The following HELZ2 variants were observed in gnomAD, a reference collection of about 807,000 sequenced individuals.
The protein encoded by HELZ2 is helicase with zinc finger 2, also known as 3'-5' exoribonuclease HELZ2.
HELZ2 carries 143 observed loss-of-function variants against 208.8 expected under a neutral mutation model. The ratio of observed to expected loss-of-function variants is 0.68; its 90% CI spans 0.60 to 0.79. HELZ2 has a LOEUF of 0.79. HELZ2 is among the 30% of genes least tolerant of loss of function. The pLI is 0.00. For missense variants in HELZ2, 3,690 were observed against 3,794.5 expected, an observed-to-expected ratio of 0.97 and a Z score of 0.72; for synonymous variants, 1,705 against 1,693.7, an observed-to-expected ratio of 1.01 and a Z score of -0.16.
chr20:63,566,473 G>A lies in HELZ2; in HGVS notation c.2515-20C>T, dbSNP rs368822387. 2 of 1,545,900 alleles carry A rather than the reference G, an allele frequency of 1.3e-6. No individual in the cohort carries two copies. Among genetic ancestry groups the A allele is most frequent in the Non-Finnish European group, 1.7e-6 (2 of 1,144,976 alleles). On this transcript the variant is annotated intron_variant, in intron 6 of 18. Coordinates refer to ENST00000467148, the Ensembl canonical transcript of HELZ2. ...ACTGACCTGAAGACGCAGCAGGGCC[G>A]GGGATGAGTGCTGGACGCAGTGAGG...
At position 63,562,048 on chromosome 20, in the gene HELZ2, C is replaced by A. The variant is rs572172957; in HGVS notation, c.6529+24G>T. The A allele has an allele frequency of 4.4e-6, 7 of 1,601,850 alleles. No individual in the cohort carries two copies. In the African/African-American group the frequency reaches 8.0e-5, roughly 18 times the overall value. ...GGTCCCTGTGGCCCAAGGCAGCCTGCGGCTCCCCCGGCATGGGCCCTACCT... is the reference window on the plus strand; with the variant it reads ...GGTCCCTGTGGCCCAAGGCAGCCTGAGGCTCCCCCGGCATGGGCCCTACCT... On this transcript the variant is annotated intron_variant, in intron 10 of 18. Transcript: ENST00000467148.
At position 63,559,385 on chromosome 20, in the gene HELZ2, G is replaced by A. The variant is rs763721924; in HGVS notation, c.7826-15C>T. On this transcript the variant is annotated splice_polypyrimidine_tract_variant and intron_variant, in intron 18 of 18. Coordinates refer to ENST00000467148, the Ensembl canonical transcript of HELZ2. The stretch of plus-strand genomic sequence containing the variant: ...GAGGTGGTCTCCTGTGAGGGTGGGA[G>A]TCAGATGGGAGTCAGTCAGGGTCAG... 9 of 1,583,904 alleles carry A rather than the reference G, an allele frequency of 5.7e-6. No individual in the cohort carries two copies. Among genetic ancestry groups the A allele is most frequent in the Non-Finnish European group, 7.8e-6 (9 of 1,161,064 alleles).
intron 5 of HELZ2, chr20:63,567,970 C>A: frequency 1.9e-6 from 1 of 530,032 alleles, no homozygotes; most frequent in African/African-American, 1.9e-5. Flanking sequence ...TGGGAAGGCC[C>A]CGGCCTGGGG....
chr20:63,560,323 C>T (rs777228608), exon 17 of HELZ2: 8 of 1,553,152 alleles, frequency 5.2e-6, no homozygotes, highest in African/African-American at 2.7e-5. Context: ...CTTGGTGATA[C>T]GGACCTGAGG....
exon 8 of HELZ2, chr20:63,563,110 C>A (rs371982892): frequency 1.9e-4 from 309 of 1,594,470 alleles, no homozygotes; most frequent in Non-Finnish European, 2.6e-4. Context: ...CCGGTGCCAC[C>A]GTCCAGAGCT....
exon 17 of HELZ2, chr20:63,560,184 G>T (rs753203102): frequency 1.3e-6 from 2 of 1,555,616 alleles, no homozygotes; most frequent in Non-Finnish European, 1.7e-6. Flanking sequence ...GGCTCTTGGT[G>T]ATGGAGGACA....
chr20:63,570,992 A>C, intron 1 of HELZ2, 124 bp from the exon 3 acceptor site: 1 of 716,086 alleles, frequency 1.4e-6, no homozygotes, highest in Non-Finnish European at 2.2e-6. Flanking sequence ...CGTCCCACCC[A>C]CTCCTGTGCT....
exon 8 of HELZ2, chr20:63,566,140 G>T: frequency 6.4e-7 from 1 of 1,568,000 alleles, no homozygotes; most frequent in Admixed American, 1.8e-5. Flanking sequence ...GCACGCGGGC[G>T]TCGGTGAAGA....
chr20:63,559,295 A>C, exon 19 of HELZ2: 1 of 1,596,236 alleles, frequency 6.3e-7, no homozygotes, highest in Non-Finnish European at 8.5e-7. Flanking sequence ...GCCGGCAGGC[A>C]CGAGGGTCTG....
At position 63,564,378 on chromosome 20, in the gene HELZ2, C is replaced by T. The variant is rs937107229; in HGVS notation, c.4444G>A (p.Val1482Met). 12 of 1,557,884 alleles carry T rather than the reference C, an allele frequency of 7.7e-6. No individual in the cohort carries two copies. In the African/African-American group the frequency reaches 8.1e-5, roughly 11 times the overall value. ...CACGCGGCCACGACGCAGGCGTCCA[C>T]GGAGTCCAGGCGGGCCGGCAGCTCA... The change falls in exon 8 of 19, where the codon GTG becomes ATG. Residue 1482 changes from valine to methionine, a missense_variant. By Grantham distance (21) the Val-to-Met change is conservative. Around this residue, in one of 3 missense-constraint regions of HELZ2, gnomAD observed 2,564 missense variants for 2,580.5 expected, o/e 0.99. Transcript: ENST00000467148.
chr20:63,570,249 C>T (rs764718022), intron 3 of HELZ2: 21 of 626,246 alleles, frequency 3.4e-5, no homozygotes, highest in Middle Eastern at 2.6e-4. Flanking sequence ...CGTGAACCAC[C>T]GCACCTGGCC....
exon 8 of HELZ2, chr20:63,563,249 T>C: frequency 6.4e-7 from 1 of 1,551,806 alleles, no homozygotes; most frequent in East Asian, 2.4e-5. Context: ...CTGCACCAGC[T>C]CCCGCCGCTG....
exon 17 of HELZ2, chr20:63,560,244 G>A (rs2082871075): frequency 3.2e-6 from 5 of 1,560,668 alleles, no homozygotes; most frequent in Non-Finnish European, 3.5e-6. Context: ...TGATCTCAGA[G>A]GCCTGCGCGT....
chr20:63,570,948 A>G (rs3746346), intron 1 of HELZ2, 80 bp from the exon 3 acceptor site: 355,608 of 1,143,904 alleles, frequency 0.31, 62,655 homozygotes, highest in East Asian at 0.78. Flanking sequence ...CCCTCAGCCC[A>G]ATACTGGCCT....
chr20:63,562,750 A>G (rs3810484), exon 8 of HELZ2: 736,683 of 1,602,916 alleles, frequency 0.46, 175,189 homozygotes, highest in East Asian at 0.87. Flanking sequence ...TGCTGGGCCC[A>G]GGGCGTGGGC....
chr20:63,570,793 G>T (rs2083009199), exon 2 of HELZ2: 8 of 1,611,070 alleles, frequency 5.0e-6, no homozygotes, highest in Non-Finnish European at 6.8e-6. Context: ...CAGCCTGCGT[G>T]CGCCGGACCC....
chr20:63,572,142 G>T, exon 1 of HELZ2: 3 of 1,611,564 alleles, frequency 1.9e-6, no homozygotes, highest in Non-Finnish European at 2.5e-6. Flanking sequence ...AGTCCCGGGG[G>T]TGGGGAACGG....
At chr20:63,568,283 G>A in intron 5 of HELZ2, 75 bp downstream of exon 6, 1 of 1,138,164 alleles carries the variant, frequency 8.8e-7, no homozygotes. Context: ...AGCACATCCA[G>A]GGGGTGACCG....
In HELZ2 at chr20:63,561,076, A is replaced by G; in HGVS notation, c.7146+6T>C. On this transcript the variant is annotated splice_donor_region_variant and intron_variant, in intron 14 of 18. Transcript: ENST00000467148. ...CTCATGCTGCCCACACCCCCCGCCGACCAACCTTCTCGGCCTGTGGGAACT... is the reference window on the plus strand; with the variant it reads ...CTCATGCTGCCCACACCCCCCGCCGGCCAACCTTCTCGGCCTGTGGGAACT... 1.9e-6 allele frequency: 3 copies of G among 1,608,370 alleles called. No homozygotes were observed. The highest frequency in any genetic ancestry group is 2.2e-5 in the South Asian group (2 of 90,690).
Sources: allele counts gnomAD v4.1 joint callset, GRCh38; gene constraint gnomAD v4.1.1; regional missense constraint gnomAD v4.1.1; transcripts MANE v1.5; gene names NCBI Gene and HGNC (gene_info 2026-07-23, HGNC 2026-07-21).